MARCHF1: variants seen among roughly 807,000 people sequenced by gnomAD.
MARCHF1 encodes membrane associated ring-CH-type finger 1.
Under a neutral mutation model 54.2 loss-of-function variants are expected in MARCHF1, and 40 were observed. That is an observed-to-expected ratio of 0.74 (90% CI 0.57 to 0.96). The LOEUF is 0.96. Among genes scored for constraint, MARCHF1 ranks in the 40% least tolerant of loss-of-function variants. MARCHF1 has a pLI of 0.00. For missense variants in MARCHF1, 586 were observed against 656.5 expected, an observed-to-expected ratio of 0.89 and a Z score of 1.17; for synonymous variants, 236 against 236.3, an observed-to-expected ratio of 1.00 and a Z score of 0.01.
rs896592775 is a variant in MARCHF1, at chr4:164,186,515, G to A, written c.-322-74853C>T. On this transcript the variant is annotated intron_variant, in intron 1 of 9. Coordinates refer to ENST00000514618, the MANE Select transcript of MARCHF1 (RefSeq NM_001394959.1). ...CAATCTTTTTGGCTTCTATTTGGAAGGGTGACTTTTGTGTTATCTGACCCT... is the reference window on the plus strand; with the variant it reads ...CAATCTTTTTGGCTTCTATTTGGAAAGGTGACTTTTGTGTTATCTGACCCT... Among the ~76,000 whole-genome samples, 7 of 152,270 alleles carry A rather than the reference G, an allele frequency of 4.6e-5. No homozygotes were observed. The South Asian group carries it at 1.5e-3, about 32-fold the overall frequency.
At chr4:164,159,621 C>T (rs1488426142) in intron 1 of MARCHF1, among the ~76,000 whole-genome samples, 1 of 152,070 alleles carries the variant, frequency 6.6e-6, no homozygotes, top group Non-Finnish European at 1.5e-5. Flanking sequence ...ACAGCACGTT[C>T]TCAATATGAG....
At chr4:163,955,101 G>A (rs1420188887) in intron 3 of MARCHF1, among the ~76,000 whole-genome samples, 1 of 150,858 alleles carries the variant, frequency 6.6e-6, no homozygotes, top group Non-Finnish European at 1.5e-5. Context: ...GAGGTGGAAT[G>A]TATGTTTCCA....
intron 2 of MARCHF1, among the ~76,000 whole-genome samples, chr4:164,061,819 C>T (rs1479228522): frequency 2.6e-5 from 4 of 152,142 alleles, no homozygotes; most frequent in Non-Finnish European, 5.9e-5. Context: ...CAGTGAGTTT[C>T]AATCTTTTTG....
chr4:163,633,931 G>A, intron 5 of MARCHF1, among the ~76,000 whole-genome samples: 1 of 152,108 alleles, frequency 6.6e-6, no homozygotes. Context: ...AAGAGAGTGG[G>A]GGCCAATATT....
intron 1 of MARCHF1, among the ~76,000 whole-genome samples, chr4:164,220,053 T>C (rs1240648352): frequency 6.6e-6 from 1 of 151,822 alleles, no homozygotes; most frequent in Non-Finnish European, 1.5e-5. Context: ...TATTCTAACA[T>C]TTTTAAAGCC....
intron 4 of MARCHF1, among the ~76,000 whole-genome samples, chr4:163,844,626 A>T (rs1749434543): frequency 6.6e-6 from 1 of 152,204 alleles, no homozygotes; most frequent in Non-Finnish European, 1.5e-5. Flanking sequence ...TAAATTAATG[A>T]AGATATTTTC....
intron 1 of MARCHF1, among the ~76,000 whole-genome samples, chr4:164,248,685 G>T (rs577820518): frequency 6.6e-6 from 1 of 151,954 alleles, no homozygotes; most frequent in Non-Finnish European, 1.5e-5. Flanking sequence ...GTGTTCTAGG[G>T]ATAAGTTGTT....
intron 1 of MARCHF1, among the ~76,000 whole-genome samples, chr4:164,319,506 G>A (rs1561000978): frequency 6.6e-6 from 1 of 152,078 alleles, no homozygotes; most frequent in East Asian, 1.9e-4. Flanking sequence ...CTTCGATGAA[G>A]AAGCAAGAAC....
At chr4:163,767,270 A>G (rs993786224) in intron 4 of MARCHF1, among the ~76,000 whole-genome samples, 2 of 151,908 alleles carry the variant, frequency 1.3e-5, no homozygotes, top group Non-Finnish European at 2.9e-5. Flanking sequence ...AAATCTGATT[A>G]ATTTGCGTTC....
rs554436415 is a variant in MARCHF1 at position 163,945,837 on chromosome 4, T to C, written c.-39+42664A>G. Among the ~76,000 whole-genome samples the C allele has an allele frequency of 2.0e-5, 3 of 152,276 alleles. No homozygotes were observed. The South Asian group carries it at 6.2e-4, about 32-fold the overall frequency. ...AGCTTTCATTTGAAAAGGGTTCTACTGCCTTGGAGTGTCTAAGGATGGTTC... is the reference window on the plus strand; with the variant it reads ...AGCTTTCATTTGAAAAGGGTTCTACCGCCTTGGAGTGTCTAAGGATGGTTC... On this transcript the variant is annotated intron_variant, in intron 3 of 9. Transcript: ENST00000514618.
chr4:163,865,813 G>T (rs1750034930), intron 3 of MARCHF1, among the ~76,000 whole-genome samples: 1 of 151,262 alleles, frequency 6.6e-6, no homozygotes, highest in African/African-American at 2.4e-5. Context: ...GAATGTCTAG[G>T]TTTATTTTGG....
At chr4:164,092,669 A>G (rs1755329838) in intron 2 of MARCHF1, among the ~76,000 whole-genome samples, 1 of 152,112 alleles carries the variant, frequency 6.6e-6, no homozygotes, top group Non-Finnish European at 1.5e-5. Context: ...TTCATTTCCA[A>G]GGGTGTAATG....
At chr4:163,608,669 G>A (rs541110970) in intron 7 of MARCHF1, among the ~76,000 whole-genome samples, 6 of 152,208 alleles carry the variant, frequency 3.9e-5, no homozygotes, top group Non-Finnish European at 7.4e-5. Flanking sequence ...TAGGCTGGTA[G>A]AGATACTTTC....
At chr4:164,224,503 T>C (rs958580254) in intron 1 of MARCHF1, among the ~76,000 whole-genome samples, 13 of 151,942 alleles carry the variant, frequency 8.6e-5, no homozygotes, top group African/African-American at 3.1e-4. Flanking sequence ...TCTACCTACA[T>C]CTCGCTAGCA....
chr4:163,883,273 GAGA>G (rs1750459149), intron 3 of MARCHF1, among the ~76,000 whole-genome samples: 1 of 151,196 alleles, frequency 6.6e-6, no homozygotes, highest in African/African-American at 2.4e-5. Context: ...GAGAGAGAGA[GAGA>G]GAGAGAGAGA....
chr4:163,970,746 C>A (rs1752531187), intron 3 of MARCHF1, among the ~76,000 whole-genome samples: 1 of 152,162 alleles, frequency 6.6e-6, no homozygotes, highest in Non-Finnish European at 1.5e-5. Context: ...AGACTCTTAA[C>A]ATTCAATATT....
intron 2 of MARCHF1, among the ~76,000 whole-genome samples, chr4:163,996,365 T>C (rs544626958): frequency 6.6e-6 from 1 of 152,206 alleles, no homozygotes; most frequent in South Asian, 2.1e-4. Flanking sequence ...ACTATTACTA[T>C]AAAATTATAA....
intron 7 of MARCHF1, among the ~76,000 whole-genome samples, chr4:163,611,004 TTAGA>T (rs2110923863): frequency 6.6e-6 from 1 of 152,178 alleles, no homozygotes; most frequent in Admixed American, 6.6e-5. Context: ...TGTCACTTAC[TTAGA>T]GAGTTTTTGT....
At chr4:163,873,065 AC>A (rs1411532480) in intron 3 of MARCHF1, among the ~76,000 whole-genome samples, 1 of 133,416 alleles carries the variant, frequency 7.5e-6, no homozygotes, top group South Asian at 2.3e-4. Context: ...AAACAAACAA[AC>A]AAAAAAAAAC....
Sources: gnomAD v4.1 joint callset for allele counts (sites outside exome capture counted in the v4.1 genomes callset) on GRCh38, gnomAD v4.1.1 for gene constraint, MANE v1.5 for transcripts, NCBI Gene and HGNC (gene_info 2026-07-23, HGNC 2026-07-21) for gene names.